The following SGCZ variants were observed in gnomAD, a reference collection of about 807,000 sequenced individuals.
SGCZ encodes the protein sarcoglycan zeta.
In SGCZ, 40 loss-of-function variants were observed where a neutral mutation model predicts 41.3. The observed-to-expected ratio is 0.97, with a 90% CI of 0.75 to 1.26. The LOEUF is 1.26. Ranked by LOEUF, SGCZ falls within the 50% of genes most tolerant of loss-of-function variation. SGCZ has a pLI of 0.00. For missense variants in SGCZ, 552 were observed against 369.8 expected (o/e 1.49, Z -4.04); for synonymous variants, 206 against 137.5 (o/e 1.50, Z -3.49).
At chr8:14,176,926 A>G (rs1167661201) in intron 4 of SGCZ, among the ~76,000 whole-genome samples, 3 of 152,190 alleles carry the variant, frequency 2.0e-5, no homozygotes, top group African/African-American at 4.8e-5. Flanking sequence ...AAGTCCTAAT[A>G]AACTCAAGAA....
chr8:14,982,157 C>CAAAA (rs10710626), intron 1 of SGCZ, among the ~76,000 whole-genome samples: 2 of 138,618 alleles, frequency 1.4e-5, no homozygotes, highest in South Asian at 4.7e-4. Context: ...GACTCTGTCT[C>CAAAA]AAAAAAAAAA....
At chr8:14,606,075 A>C (rs1805738859) in intron 1 of SGCZ, among the ~76,000 whole-genome samples, 1 of 152,140 alleles carries the variant, frequency 6.6e-6, no homozygotes, top group Admixed American at 6.6e-5. Flanking sequence ...TTAAAATATA[A>C]CACTAATATA....
At chr8:14,188,424 T>A (rs1871095) in intron 4 of SGCZ, among the ~76,000 whole-genome samples, 1 of 152,282 alleles carries the variant, frequency 6.6e-6, no homozygotes, top group South Asian at 2.1e-4. Flanking sequence ...AAACATTATG[T>A]TTGGTGAAAA....
chr8:14,933,583 C>T (rs956884641), intron 1 of SGCZ, among the ~76,000 whole-genome samples: 2 of 151,854 alleles, frequency 1.3e-5, no homozygotes, highest in African/African-American at 4.9e-5. Flanking sequence ...AGGCGCCTGC[C>T]ACCACACTCG....
chr8:14,889,875 G>A (rs571352319), intron 1 of SGCZ, among the ~76,000 whole-genome samples: 3 of 152,150 alleles, frequency 2.0e-5, no homozygotes, highest in Admixed American at 6.5e-5. Context: ...TAAGTGAAAG[G>A]AAGTGTCACA....
intron 5 of SGCZ, among the ~76,000 whole-genome samples, chr8:14,150,944 T>G (rs1392017886): frequency 6.6e-6 from 1 of 152,146 alleles, no homozygotes; most frequent in Non-Finnish European, 1.5e-5. Context: ...ACATCACATG[T>G]TCTCACTTAT....
At chr8:14,805,683 T>A (rs373766734) in intron 1 of SGCZ, among the ~76,000 whole-genome samples, 12,503 of 151,172 alleles carry the variant, frequency 0.083, 1,460 homozygotes, top group African/African-American at 0.26. Flanking sequence ...AGACAGAAAG[T>A]CACCAAGGAT....
At chr8:14,408,610 C>A (rs941528016) in intron 2 of SGCZ, among the ~76,000 whole-genome samples, 3 of 152,126 alleles carry the variant, frequency 2.0e-5, no homozygotes, top group Non-Finnish European at 4.4e-5. Context: ...TTATATCACA[C>A]CCCTGTATAA....
At chr8:14,985,870 GT>G (rs1319528964) in intron 1 of SGCZ, among the ~76,000 whole-genome samples, 30 of 152,266 alleles carry the variant, frequency 2.0e-4, no homozygotes, top group African/African-American at 6.0e-4. Flanking sequence ...CAAATGCCTT[GT>G]TTTCAAAGGA....
intron 2 of SGCZ, among the ~76,000 whole-genome samples, chr8:14,540,517 A>C (rs1443294252): frequency 6.6e-6 from 1 of 151,496 alleles, no homozygotes; most frequent in Non-Finnish European, 1.5e-5. Context: ...CCTTCCACTG[A>C]TTCCCAGATT....
chr8:14,971,838 C>T (rs965570869), intron 1 of SGCZ, among the ~76,000 whole-genome samples: 8 of 151,480 alleles, frequency 5.3e-5, no homozygotes, highest in African/African-American at 1.5e-4. Flanking sequence ...TTAGTAGAGA[C>T]GGGGTTTCAC....
intron 4 of SGCZ, among the ~76,000 whole-genome samples, chr8:14,224,787 T>C (rs983537824): frequency 2.0e-5 from 3 of 152,176 alleles, no homozygotes; most frequent in African/African-American, 7.2e-5. Flanking sequence ...AAATTACTTG[T>C]AACACCACCT....
rs762319898 is a variant in SGCZ, at chr8:14,698,955, A to G, written c.40-144029T>C. ...TCTCACCCCAACAGAGCCTGCTGCCATAAGTATATAAGATACGAAATAAAA... is the reference window on the plus strand; with the variant it reads ...TCTCACCCCAACAGAGCCTGCTGCCGTAAGTATATAAGATACGAAATAAAA... On this transcript the variant is annotated intron_variant, in intron 1 of 7. Coordinates refer to ENST00000382080, the MANE Select transcript of SGCZ (RefSeq NM_139167.4). Among the ~76,000 whole-genome samples, 12 of 152,076 alleles carry G rather than the reference A, an allele frequency of 7.9e-5. No homozygotes were observed. In the South Asian group the frequency reaches 1.0e-3, roughly 13 times the overall value.
At chr8:14,873,432 A>G (rs1209128961) in intron 1 of SGCZ, among the ~76,000 whole-genome samples, 2 of 152,150 alleles carry the variant, frequency 1.3e-5, no homozygotes, top group South Asian at 2.1e-4. Context: ...GTCGTATAGT[A>G]CTAGTCATCA....
At chr8:14,284,403 CA>C (rs1433805571) in intron 3 of SGCZ, among the ~76,000 whole-genome samples, 1 of 152,128 alleles carries the variant, frequency 6.6e-6, no homozygotes, top group Non-Finnish European at 1.5e-5. Flanking sequence ...CACAAACACA[CA>C]AAAAATAGAC....
intron 1 of SGCZ, among the ~76,000 whole-genome samples, chr8:15,132,471 G>A (rs749051911): frequency 6.6e-6 from 1 of 152,150 alleles, no homozygotes; most frequent in Non-Finnish European, 1.5e-5. Flanking sequence ...TGAATGAATA[G>A]ATGCATGCAT....
intron 5 of SGCZ, among the ~76,000 whole-genome samples, chr8:14,111,945 C>A (rs1585144621): frequency 6.6e-6 from 1 of 152,192 alleles, no homozygotes; most frequent in African/African-American, 2.4e-5. Flanking sequence ...GTAAGCACCT[C>A]TTCTGATGTG....
intron 4 of SGCZ, among the ~76,000 whole-genome samples, chr8:14,214,117 G>A (rs1805910945): frequency 6.6e-6 from 1 of 152,118 alleles, no homozygotes. Context: ...CATGTTGATT[G>A]CATGTGCCCT....
chr8:15,180,886 CA>C (rs879712471), intron 1 of SGCZ, among the ~76,000 whole-genome samples: 1,260 of 125,774 alleles, frequency 0.01, 13 homozygotes, highest in African/African-American at 0.03. Context: ...GACTCCATCT[CA>C]AAAAAAAAAA....
Sources: gnomAD v4.1 joint callset for allele counts (sites outside exome capture counted in the v4.1 genomes callset) on GRCh38, gnomAD v4.1.1 for gene constraint, MANE v1.5 for transcripts, NCBI Gene and HGNC (gene_info 2026-07-23, HGNC 2026-07-21) for gene names.